Variants in ADGRB3 observed in about 807,000 individuals in gnomAD.
The protein encoded by ADGRB3 is brain-specific angiogenesis inhibitor 3.
Under a neutral mutation model 193.4 loss-of-function variants are expected in ADGRB3, and 37 were observed. The observed-to-expected ratio is 0.19, with a 90% confidence interval of 0.15 to 0.25. ADGRB3 has a LOEUF of 0.25. ADGRB3 is among the 10% of genes least tolerant of loss of function. ADGRB3 has a pLI of 1.00. For synonymous variants in ADGRB3, 690 were observed against 644.2 expected (o/e 1.07, Z -1.08); for missense variants, 1,637 against 1,852.9 (o/e 0.88, Z 2.14).
intron 3 of ADGRB3, among the ~76,000 whole-genome samples, chr6:68,767,963 C>G (rs1268254408): frequency 6.6e-6 from 1 of 152,024 alleles, no homozygotes; most frequent in Non-Finnish European, 1.5e-5. Flanking sequence ...AATAAAATGC[C>G]TAGGAATAAA....
intron 3 of ADGRB3, among the ~76,000 whole-genome samples, chr6:68,889,420 G>A (rs1237904839): frequency 3.3e-5 from 5 of 152,078 alleles, no homozygotes; most frequent in Admixed American, 3.3e-4. Context: ...AATGAAATTG[G>A]TAATATGTCC....
At chr6:69,212,279 A>G (rs970893536) in intron 17 of ADGRB3, among the ~76,000 whole-genome samples, 2 of 152,152 alleles carry the variant, frequency 1.3e-5, no homozygotes, top group South Asian at 4.1e-4. Flanking sequence ...TGAATACATA[A>G]ATCACACAGA....
intron 20 of ADGRB3, among the ~76,000 whole-genome samples, chr6:69,258,870 C>G (rs1019817654): frequency 6.6e-6 from 1 of 152,090 alleles, no homozygotes; most frequent in Non-Finnish European, 1.5e-5. Flanking sequence ...GCTCCACAGG[C>G]GATTCTGATA....
intron 17 of ADGRB3, among the ~76,000 whole-genome samples, chr6:69,223,716 G>A (rs1765948807): frequency 6.9e-6 from 1 of 145,778 alleles, no homozygotes; most frequent in South Asian, 2.2e-4. Context: ...GTATGCAGTG[G>A]CATGATCTCA....
intron 8 of ADGRB3, among the ~76,000 whole-genome samples, chr6:68,973,848 T>C (rs1012610466): frequency 2.9e-4 from 44 of 152,212 alleles, no homozygotes; most frequent in African/African-American, 1.1e-3. Context: ...GAGCAAGATG[T>C]CACTTTTAAC....
At position 69,206,045 on chromosome 6, in the gene ADGRB3, G is replaced by GTGTATATATATA. The variant is rs1327162820; in HGVS notation, c.2481-27244_2481-27243insGTATATATATAT. Among the ~76,000 whole-genome samples the GTGTATATATATA allele has an allele frequency of 2.0e-3, 203 of 99,924 alleles. 1 individual carries two copies. Among genetic ancestry groups the GTGTATATATATA allele is most frequent in the African/African-American group, 6.9e-3 (180 of 26,092 alleles). The allele number at this position is 99,924 out of a possible 152,430, so 65.6% of individuals were successfully genotyped here. On this transcript the variant is annotated intron_variant, in intron 17 of 31. Coordinates refer to ENST00000370598, the MANE Select transcript of ADGRB3 (RefSeq NM_001704.3). ...AGAGAGAATAATATATATAATAATG[G>GTGTATATATATA]TATATATATATATATATATATATAT...
At chr6:69,065,758 T>TACACACAC (rs1491430136) in intron 16 of ADGRB3, among the ~76,000 whole-genome samples, 27 of 102,838 alleles carry the variant, frequency 2.6e-4, no homozygotes, top group East Asian at 2.6e-3. Flanking sequence ...ACTTCATGTA[T>TACACACAC]ATATATACAC....
intron 20 of ADGRB3, among the ~76,000 whole-genome samples, chr6:69,322,106 T>A (rs1248680460): frequency 6.6e-6 from 1 of 151,966 alleles, no homozygotes; most frequent in Non-Finnish European, 1.5e-5. Context: ...AAACATGCAA[T>A]ATTTGGTTTT....
intron 3 of ADGRB3, among the ~76,000 whole-genome samples, chr6:68,656,188 C>G (rs1407709786): frequency 1.3e-5 from 2 of 151,554 alleles, no homozygotes; most frequent in Non-Finnish European, 3.0e-5. Context: ...AAAGATCATA[C>G]TGTTTTATTT....
At chr6:69,092,761 G>T (rs763650036) in intron 17 of ADGRB3, among the ~76,000 whole-genome samples, 28 of 152,096 alleles carry the variant, frequency 1.8e-4, no homozygotes, top group Non-Finnish European at 3.2e-4. Flanking sequence ...CACAAGAAAT[G>T]ATACCTGAAT....
chr6:69,330,034 G>T (rs1254541398), intron 22 of ADGRB3, among the ~76,000 whole-genome samples: 1 of 152,158 alleles, frequency 6.6e-6, no homozygotes, highest in Non-Finnish European at 1.5e-5. Context: ...CTGCAATGAT[G>T]GCTTTTAAAC....
At chr6:68,884,959 G>A (rs1765864577) in intron 3 of ADGRB3, among the ~76,000 whole-genome samples, 1 of 152,134 alleles carries the variant, frequency 6.6e-6, no homozygotes. Context: ...CCTAATCTTA[G>A]GAAGTTGGTA....
chr6:68,961,970 G>T (rs1428519189), intron 8 of ADGRB3, among the ~76,000 whole-genome samples: 5 of 152,074 alleles, frequency 3.3e-5, no homozygotes, highest in Admixed American at 2.0e-4. Flanking sequence ...TTCTTCAAAA[G>T]GTTAAAGCAA....
chr6:69,216,767 A>T (rs1320509987), intron 17 of ADGRB3, among the ~76,000 whole-genome samples: 2 of 152,200 alleles, frequency 1.3e-5, no homozygotes, highest in Non-Finnish European at 2.9e-5. Flanking sequence ...TTGTAGAGTG[A>T]CAGTGATTAG....
chr6:69,096,844 C>T (rs559905961), intron 17 of ADGRB3, among the ~76,000 whole-genome samples: 1 of 152,248 alleles, frequency 6.6e-6, no homozygotes, highest in South Asian at 2.1e-4. Context: ...AGGTTTTTCT[C>T]ATGTGTTTCA....
intron 17 of ADGRB3, among the ~76,000 whole-genome samples, chr6:69,161,481 TATA>T (rs2150344674): frequency 6.6e-6 from 1 of 152,248 alleles, no homozygotes; most frequent in East Asian, 1.9e-4. Context: ...GGAGACTTGT[TATA>T]ACACTAATTA....
chr6:68,862,649 C>T (rs1002253947), intron 3 of ADGRB3, among the ~76,000 whole-genome samples: 1 of 152,122 alleles, frequency 6.6e-6, no homozygotes, highest in Non-Finnish European at 1.5e-5. Flanking sequence ...TATTAAATTT[C>T]TTTTCCCTTA....
chr6:69,054,372 T>A lies in ADGRB3; in HGVS notation c.2333+5026T>A, dbSNP rs150259191. Among the ~76,000 whole-genome samples, 347 of 152,208 alleles carry A rather than the reference T, an allele frequency of 2.3e-3. 5 individuals carry two copies. Among genetic ancestry groups the A allele is most frequent in the African/African-American group, 8.2e-3 (340 of 41,558 alleles). On this transcript the variant is annotated intron_variant, in intron 15 of 31. Transcript: ENST00000370598. ...ATGAATAGAAAAATAATATTGGAAATAATAGAAAATTGAAGACATAATCAC... is the reference window on the plus strand; with the variant it reads ...ATGAATAGAAAAATAATATTGGAAAAAATAGAAAATTGAAGACATAATCAC...
chr6:69,136,195 G>A (rs978250580), intron 17 of ADGRB3, among the ~76,000 whole-genome samples: 2 of 151,932 alleles, frequency 1.3e-5, no homozygotes, highest in Non-Finnish European at 2.9e-5. Context: ...GTTGTAAATA[G>A]GATGCAAACT....
Sources: allele counts gnomAD v4.1 joint callset (sites outside exome capture counted in the v4.1 genomes callset), GRCh38; gene constraint gnomAD v4.1.1; transcripts MANE v1.5; gene names NCBI Gene and HGNC (gene_info 2026-07-23, HGNC 2026-07-21).